Variants in UBXN7 observed in about 807,000 individuals in gnomAD.
UBXN7 encodes the protein UBX domain-containing protein 7.
In UBXN7, 9 loss-of-function variants were observed where a neutral mutation model predicts 58.0. That is an observed-to-expected ratio of 0.16 (90% CI 0.09 to 0.27). The LOEUF is 0.27. Among genes scored for constraint, UBXN7 ranks in the 10% least tolerant of loss-of-function variants. UBXN7 has a pLI of 1.00. For missense variants in UBXN7, 328 were observed against 599.6 expected (o/e 0.55, Z 4.73); for synonymous variants, 208 against 205.0 (o/e 1.01, Z -0.12).
intron 6 of UBXN7, among the ~76,000 whole-genome samples, chr3:196,370,404 G>A (rs1728790760): frequency 6.6e-6 from 1 of 150,990 alleles, no homozygotes; most frequent in Non-Finnish European, 1.5e-5. Context: ...AGTGAGCTAT[G>A]ACTGCACCAC....
chr3:196,406,177 C>T (rs1236178931), intron 2 of UBXN7, among the ~76,000 whole-genome samples: 2 of 151,814 alleles, frequency 1.3e-5, no homozygotes, highest in Non-Finnish European at 2.9e-5. Flanking sequence ...GGACTACAGT[C>T]GCGTACCACC....
chr3:196,404,589 A>T (rs79998902), intron 2 of UBXN7, among the ~76,000 whole-genome samples: 2,207 of 152,310 alleles, frequency 0.014, 28 homozygotes, highest in Middle Eastern at 0.024. Context: ...TGTTCTGAAC[A>T]GTATTAACTA....
At position 196,392,397 on chromosome 3, in the gene UBXN7, C is replaced by G. The variant is rs7623478; in HGVS notation, c.356-472G>C. Among the ~76,000 whole-genome samples, 1,236 of 151,450 alleles carry G rather than the reference C, an allele frequency of 8.2e-3. 10 individuals carry two copies. Among genetic ancestry groups the G allele is most frequent in the Middle Eastern group, 0.055 (16 of 292 alleles). On this transcript the variant is annotated intron_variant, in intron 4 of 10. Coordinates refer to ENST00000296328, the MANE Select transcript of UBXN7 (RefSeq NM_015562.2). ...GAGCATGCCTGTAATCCCAGCTACT[C>G]GGGAGGCTGAGGCAGGAGAATAGCC...
chr3:196,419,321 T>TAAATAAATAAATAAACAAAC (rs139881636), intron 1 of UBXN7, among the ~76,000 whole-genome samples: 1 of 150,214 alleles, frequency 6.7e-6, no homozygotes, highest in Non-Finnish European at 1.5e-5. Context: ...AATAAATAAA[T>TAAATAAATAAATAAACAAAC]AAACAATGTG....
chr3:196,428,823 CA>C (rs541675983), intron 1 of UBXN7, among the ~76,000 whole-genome samples: 3,573 of 98,604 alleles, frequency 0.036, 61 homozygotes, highest in South Asian at 0.092. Context: ...CAGTCCGTCT[CA>C]AAAAAAAAAA....
intron 3 of UBXN7, among the ~76,000 whole-genome samples, chr3:196,395,658 A>G (rs1165856999): frequency 6.6e-6 from 1 of 151,920 alleles, no homozygotes; most frequent in Non-Finnish European, 1.5e-5. Flanking sequence ...GCATGTCACT[A>G]TATCGCCCAG....
chr3:196,412,283 G>A (rs1483578588), intron 1 of UBXN7, among the ~76,000 whole-genome samples: 3 of 150,422 alleles, frequency 2.0e-5, no homozygotes, highest in Non-Finnish European at 3.0e-5. Context: ...TACAACGTGT[G>A]TAATAATGTT....
intron 1 of UBXN7, among the ~76,000 whole-genome samples, chr3:196,410,346 C>A (rs189033366): frequency 2.6e-5 from 4 of 152,288 alleles, no homozygotes; most frequent in Admixed American, 2.6e-4. Context: ...AATGGAAGTG[C>A]TAACTCTACT....
chr3:196,410,132 G>T (rs572356681), intron 1 of UBXN7, among the ~76,000 whole-genome samples: 18 of 152,032 alleles, frequency 1.2e-4, no homozygotes, highest in East Asian at 9.7e-4. Flanking sequence ...TAAAGACAGG[G>T]TTTCACCATG....
intron 5 of UBXN7, among the ~76,000 whole-genome samples, chr3:196,388,894 C>G (rs2108843917): frequency 6.6e-6 from 1 of 151,734 alleles, no homozygotes; most frequent in Non-Finnish European, 1.5e-5. Context: ...CATTTAAAGT[C>G]TTGCAGATGG....
intron 1 of UBXN7, among the ~76,000 whole-genome samples, chr3:196,413,442 T>C (rs1730392567): frequency 6.6e-6 from 1 of 152,192 alleles, no homozygotes; most frequent in African/African-American, 2.4e-5. Flanking sequence ...AAAATCGCCT[T>C]TCATTTGGGG....
chr3:196,411,732 C>G (rs190025635), intron 1 of UBXN7, among the ~76,000 whole-genome samples: 207 of 151,998 alleles, frequency 1.4e-3, no homozygotes, highest in African/African-American at 4.9e-3. Flanking sequence ...AATCGCTTAA[C>G]CTGGGAGGCG....
chr3:196,431,052 C>CA (rs1468738332), intron 1 of UBXN7, among the ~76,000 whole-genome samples: 2 of 151,770 alleles, frequency 1.3e-5, no homozygotes, highest in African/African-American at 2.4e-5. Context: ...CATTGCAAAG[C>CA]AAAAAAATAA....
chr3:196,362,143 G>A (rs1246582024), intron 9 of UBXN7, 151 bp downstream of exon 9: 2 of 1,117,514 alleles, frequency 1.8e-6, no homozygotes, highest in South Asian at 1.6e-5. Flanking sequence ...ATAGGCACGT[G>A]CCACCACACC....
intron 5 of UBXN7, among the ~76,000 whole-genome samples, chr3:196,386,263 T>C (rs1185292496): frequency 6.6e-6 from 1 of 151,362 alleles, no homozygotes; most frequent in East Asian, 1.9e-4. Context: ...GCCCTCTGCG[T>C]AGGAAAACCA....
At chr3:196,415,650 C>T (rs535672618) in intron 1 of UBXN7, among the ~76,000 whole-genome samples, 69 of 151,702 alleles carry the variant, frequency 4.5e-4, no homozygotes, top group African/African-American at 1.6e-3. Flanking sequence ...GGCATGGTGG[C>T]GCGTGCCTGT....
intron 5 of UBXN7, among the ~76,000 whole-genome samples, chr3:196,372,899 C>T (rs951926837): frequency 2.0e-5 from 3 of 151,778 alleles, no homozygotes; most frequent in Middle Eastern, 3.2e-3. Context: ...GTGTGTGCCA[C>T]CATGCCTGAC....
chr3:196,432,421 GAA>G lies in UBXN7; in HGVS notation c.-24_-23del, dbSNP rs762285605. Reference sequence around the variant, plus strand: ...CCATCTTACCGCCGCCGCCGCCGCCGAACAACAACACAGACACACACGGACTG... The same window carrying G: ...CCATCTTACCGCCGCCGCCGCCGCCGCAACAACACAGACACACACGGACTG... On this transcript the variant is annotated 5_prime_UTR_variant, in exon 1 of 11. Coordinates refer to ENST00000296328, the MANE Select transcript of UBXN7 (RefSeq NM_015562.2). The G allele has an allele frequency of 7.3e-5, 116 of 1,579,088 alleles. No individual in the cohort carries two copies. Among genetic ancestry groups the G allele is most frequent in the Non-Finnish European group, 9.2e-5 (107 of 1,159,140 alleles).
Position 196,429,736 on chromosome 3 carries a change from C to T in UBXN7, c.73+2591G>A, listed in dbSNP as rs369723805. Among the ~76,000 whole-genome samples the T allele has an allele frequency of 6.6e-5, 10 of 152,214 alleles. No homozygotes were observed. In the South Asian group the frequency reaches 1.5e-3, roughly 22 times the overall value. On this transcript the variant is annotated intron_variant, in intron 1 of 10. Transcript: ENST00000296328. ...AAAGAAATCAATCATGTGTTTCTAA[C>T]GGTTAATCACTATCTTGTAAAAAGA...
Sources: allele counts gnomAD v4.1 joint callset (sites outside exome capture counted in the v4.1 genomes callset), GRCh38; gene constraint gnomAD v4.1.1; transcripts MANE v1.5; gene names NCBI Gene and HGNC (gene_info 2026-07-23, HGNC 2026-07-21).